Variants in SPOCD1 observed in about 807,000 individuals in gnomAD.
SPOCD1 encodes the protein SPOC domain containing 1, also known as SPOC domain-containing protein 1.
A neutral mutation model predicts 92.2 loss-of-function variants in SPOCD1; 64 were observed. The ratio of observed to expected loss-of-function variants is 0.69; its 90% CI spans 0.57 to 0.86. The LOEUF (loss-of-function observed/expected upper bound fraction) is 0.86, where lower values mean the gene tolerates loss of function less well. Ranked by LOEUF, SPOCD1 falls within the 40% of genes least tolerant of loss-of-function variation. The probability of loss-of-function intolerance (pLI) is 0.00; values close to 1 mark genes in which losing one functional copy is unlikely to be tolerated. For synonymous variants in SPOCD1, 578 were observed against 619.3 expected (o/e 0.93, Z 0.99); for missense variants, 1,360 against 1,543.1 (o/e 0.88, Z 1.99).
In SPOCD1 at chr1:31,793,726, T is replaced by A. The variant is rs758358822; in HGVS notation, c.2534+21A>T. The A allele has an allele frequency of 5.6e-6, 9 of 1,613,706 alleles. 1 individual carries two copies. The South Asian group carries it at 9.9e-5, about 18-fold the overall frequency. On this transcript the variant is annotated intron_variant, in intron 12 of 15. Transcript: ENST00000360482. The stretch of plus-strand genomic sequence containing the variant: ...CCTCAACCCTGCTGGGTTATCCACC[T>A]CCCTGCTCCCAACCCCACACCTGTC...
In SPOCD1 at chr1:31,800,499, G is replaced by T; in HGVS notation, c.1544C>A (p.Pro515His). 1 of 1,612,438 alleles carries T rather than the reference G, an allele frequency of 6.2e-7. No individual in the cohort carries two copies. The highest frequency in any genetic ancestry group is 8.5e-7 in the Non-Finnish European group (1 of 1,179,290). The change falls in exon 4 of 16, where the codon CCT becomes CAT. Residue 515 changes from proline to histidine, a missense_variant. Pro to His is a moderately conservative substitution (Grantham distance 77). Around this residue, in one of 3 missense-constraint regions of SPOCD1, gnomAD observed 606 missense variants for 601.5 expected, o/e 1.01. Coordinates refer to ENST00000360482, the MANE Select transcript of SPOCD1 (RefSeq NM_144569.7). ...EDLMEVSSPS[P>H]AQRLRRKKRP... Reference sequence around the variant, plus strand: ...TTTCTTCCTTCTGAGCCTCTGGGCAGGTGAGGGTGAGCTGACCTCCATCAA... The same window carrying T: ...TTTCTTCCTTCTGAGCCTCTGGGCATGTGAGGGTGAGCTGACCTCCATCAA...
intron 3 of SPOCD1, 123 bp from the exon 4 acceptor site, chr1:31,800,740 T>C (rs1278413207): frequency 7.0e-6 from 6 of 851,102 alleles, no homozygotes; most frequent in Non-Finnish European, 1.1e-5. Context: ...TCCGTGAGGA[T>C]AGAGAACATG....
rs186021122 is a variant in SPOCD1, at chr1:31,798,995, G to A, written c.1869-394C>T. ...GGGAGAGAATGGAGCCCTGGCCCTC[G>A]GTGTCATCTGTCATTGACTTGCTGT... On this transcript the variant is annotated intron_variant, in intron 7 of 15. Transcript: ENST00000360482. This position sits in a 1 kb window ranked among gnomAD's most constrained non-coding sequence, Gnocchi z 4.1. Among the ~76,000 whole-genome samples the A allele has an allele frequency of 1.8e-3, 272 of 152,214 alleles. No individual in the cohort carries two copies. Among genetic ancestry groups the A allele is most frequent in the Non-Finnish European group, 3.0e-3 (205 of 68,012 alleles).
In SPOCD1 at chr1:31,815,361, A is replaced by C; in HGVS notation, c.-28T>G. On this transcript the variant is annotated 5_prime_UTR_variant, in exon 2 of 16. Coordinates refer to ENST00000360482, the MANE Select transcript of SPOCD1 (RefSeq NM_144569.7). ...CTGTCCACCTACCTGGGCCAAAAGC[A>C]CAACACGGGCCCTGTGTGGAGACAG... 6.6e-7 allele frequency: 1 copy of C among 1,516,158 alleles called. No homozygotes were observed. Among genetic ancestry groups the C allele is most frequent in the Non-Finnish European group, 8.8e-7 (1 of 1,131,196 alleles). 93.9% of individuals were successfully genotyped at this position (1,516,158 alleles called of 1,614,324 possible). A position where few individuals can be genotyped will look rare whatever the true frequency, so the allele number is the denominator to read the frequency against.
At chr1:31,800,334 G>A in intron 4 of SPOCD1, 107 bp downstream of exon 4, 1 of 1,431,850 alleles carries the variant, frequency 7.0e-7, no homozygotes, top group East Asian at 2.5e-5. Flanking sequence ...TATTCTGAAT[G>A]ACCGCGAGCA....
rs764277377 is a variant in SPOCD1, at chr1:31,790,841, T to A, written c.3413A>T (p.His1138Leu). The change falls in exon 16 of 16, where the codon CAC becomes CTC. Residue 1138 changes from histidine to leucine, a missense_variant. Around this residue, in one of 3 missense-constraint regions of SPOCD1, gnomAD observed 614 missense variants for 757.8 expected, o/e 0.81. Coordinates refer to ENST00000360482, the MANE Select transcript of SPOCD1 (RefSeq NM_144569.7). ...PAGHGFGRGQ[H>L]FHRDSCPHQA... ...GTGGGGACAGGAGTCCCTGTGGAAG[T>A]GCTGGCCACGGCCAAAGCCATGACC... The A allele has an allele frequency of 6.5e-7, 1 of 1,540,712 alleles. No individual in the cohort carries two copies.
Position 31,814,620 on chromosome 1 carries a change from C to A in SPOCD1, c.714G>T (p.Leu238=). Residue 238 remains leucine (L), a synonymous_variant, in exon 2 of 16, where the codon CTG becomes CTT. Coordinates refer to ENST00000360482, the MANE Select transcript of SPOCD1 (RefSeq NM_144569.7). This position sits in a 1 kb window ranked among gnomAD's most constrained non-coding sequence, Gnocchi z 4.2. Reference sequence around the variant, plus strand: ...CAACTTGGGGAGGGTCTCCCACAGACAGGAGGTTGTCCCCACGAGGGCTCT... The same window carrying A: ...CAACTTGGGGAGGGTCTCCCACAGAAAGGAGGTTGTCCCCACGAGGGCTCT... ...LDQSPRGDNL[L]SVGDPPQVAD... 1 of 1,533,682 alleles carries A rather than the reference C, an allele frequency of 6.5e-7. No homozygotes were observed. The highest frequency in any genetic ancestry group is 8.8e-7 in the Non-Finnish European group (1 of 1,141,234).
intron 7 of SPOCD1, 67 bp downstream of exon 7, chr1:31,799,334 G>C: frequency 7.2e-7 from 1 of 1,390,178 alleles, no homozygotes; most frequent in Non-Finnish European, 1.0e-6. Context: ...ACATGGCAGG[G>C]CCCCGGAGGC....
chr1:31,801,427 G>T (rs1264418244), intron 3 of SPOCD1, among the ~76,000 whole-genome samples: 1 of 152,142 alleles, frequency 6.6e-6, no homozygotes, highest in African/African-American at 2.4e-5. Flanking sequence ...TTAAAAGTAG[G>T]TGAGTCTGAA....
chr1:31,809,835 G>A (rs1051752494), intron 2 of SPOCD1, among the ~76,000 whole-genome samples: 2 of 152,152 alleles, frequency 1.3e-5, no homozygotes, highest in Non-Finnish European at 2.9e-5. Context: ...CTGCCCTGGA[G>A]AAAGGCCATC....
At position 31,794,120 on chromosome 1, in the gene SPOCD1, C is replaced by T. The variant is rs747610702; in HGVS notation, c.2383+4G>A. On this transcript the variant is annotated splice_donor_region_variant and intron_variant, in intron 11 of 15. Coordinates refer to ENST00000360482, the MANE Select transcript of SPOCD1 (RefSeq NM_144569.7). ...CCCTGCACCCCTCCCGTGTCCCCTC[C>T]CACCCTTGCAGATGTGGCAGTTGGG... is the stretch of plus-strand genomic sequence containing the variant. 6.2e-7 allele frequency: 1 copy of T among 1,613,576 alleles called. No homozygotes were observed. Among genetic ancestry groups the T allele is most frequent in the Non-Finnish European group, 8.5e-7 (1 of 1,179,662 alleles).
Position 31,815,322 on chromosome 1 carries a change from C to T in SPOCD1, c.12G>A (p.Ala4=), listed in dbSNP as rs149588239. Residue 4 remains alanine (A), a synonymous_variant, in exon 2 of 16, where the codon GCG becomes GCA. Transcript: ENST00000360482. ...CTGTGCTGGGGCCTTCTACGTCCCC[C>T]GCCTGGGACATGTCTGTCCACCTAC... The part of the protein sequence containing the change: MSQ[A]GDVEGPSTGD... 2.1e-5 allele frequency: 32 copies of T among 1,546,414 alleles called. No homozygotes were observed. Among genetic ancestry groups the T allele is most frequent in the African/African-American group, 1.5e-4 (11 of 72,994 alleles).
chr1:31,809,810 A>G (rs1246140421), intron 2 of SPOCD1, among the ~76,000 whole-genome samples: 1 of 152,096 alleles, frequency 6.6e-6, no homozygotes, highest in African/African-American at 2.4e-5. Flanking sequence ...CTGTGTTGAT[A>G]AAGTTCCTTG....
chr1:31,800,348 G>A, intron 4 of SPOCD1, 93 bp downstream of exon 4: 2 of 1,442,850 alleles, frequency 1.4e-6, no homozygotes, highest in Non-Finnish European at 1.9e-6. Context: ...GCGAGCAAGT[G>A]GCACCCTCTC....
chr1:31,803,502 A>T (rs1648597589), intron 2 of SPOCD1, among the ~76,000 whole-genome samples: 1 of 151,776 alleles, frequency 6.6e-6, no homozygotes, highest in Admixed American at 6.6e-5. Context: ...GGAGGCCGAG[A>T]CAGGAGGATC....
intron 2 of SPOCD1, among the ~76,000 whole-genome samples, chr1:31,810,982 G>A (rs1649157930): frequency 6.6e-6 from 1 of 152,102 alleles, no homozygotes; most frequent in South Asian, 2.1e-4. Flanking sequence ...GGCCACTGTG[G>A]GGCCCAGGAC....
At chr1:31,792,034 G>A in intron 15 of SPOCD1, 181 bp downstream of exon 15, 5 of 651,994 alleles carry the variant, frequency 7.7e-6, no homozygotes, top group Non-Finnish European at 1.3e-5. Context: ...AACAATGGCT[G>A]GCATGCAGTT....
chr1:31,811,013 G>A (rs1485340671), intron 2 of SPOCD1, among the ~76,000 whole-genome samples: 1 of 152,164 alleles, frequency 6.6e-6, no homozygotes, highest in Non-Finnish European at 1.5e-5. Flanking sequence ...ATGGCATCCA[G>A]TCCCCCTCCC....
At chr1:31,801,743 G>A (rs766894777) in intron 2 of SPOCD1, 38 bp from the exon 3 acceptor site, 6 of 1,562,200 alleles carry the variant, frequency 3.8e-6, no homozygotes, top group Non-Finnish European at 4.4e-6. Context: ...AGAATCCAGA[G>A]GACCCAGCCA....
Sources: gnomAD v4.1 joint callset for allele counts (sites outside exome capture counted in the v4.1 genomes callset) on GRCh38, gnomAD v4.1.1 for gene constraint, gnomAD v4.1.1 regional missense constraint, Gnocchi (gnomAD v3.1) non-coding constraint, MANE v1.5 for transcripts, NCBI Gene and HGNC (gene_info 2026-07-23, HGNC 2026-07-21) for gene names.